NMD3: variants seen among roughly 807,000 people sequenced by gnomAD.
The protein encoded by NMD3 is 60S ribosomal export protein NMD3.
A neutral mutation model predicts 73.1 loss-of-function variants in NMD3; 47 were observed. The ratio of observed to expected loss-of-function variants is 0.64; its 90% CI spans 0.51 to 0.82. The LOEUF (loss-of-function observed/expected upper bound fraction) is 0.82, where lower values mean the gene tolerates loss of function less well. NMD3 is among the 40% of genes least tolerant of loss of function. The pLI is 0.00. For missense variants in NMD3, 554 were observed against 612.5 expected, an observed-to-expected ratio of 0.90 and a Z score of 1.01; for synonymous variants, 210 against 194.5, an observed-to-expected ratio of 1.08 and a Z score of -0.66.
In NMD3 at chr3:161,238,827, G is replaced by A. The variant is rs1736867140; in HGVS notation, c.753+1G>A. On this transcript the variant is annotated splice_donor_variant, in intron 9 of 15. Transcript: ENST00000351193. LOFTEE classifies it high-confidence loss of function. ...TGTGGAAATTGTTCCAATATGCAAG[G>A]TACTTTTCTTTTTCATTTAATCCAT... 1 of 1,420,832 alleles carries A rather than the reference G, an allele frequency of 7.0e-7. No individual in the cohort carries two copies. Among genetic ancestry groups the A allele is most frequent in the African/African-American group, 1.4e-5 (1 of 69,640 alleles). The allele number at this position is 1,420,832 out of a possible 1,614,324, so 88.0% of individuals were successfully genotyped here. A position where few individuals can be genotyped will look rare whatever the true frequency, so the allele number is the denominator to read the frequency against.
downstream of NMD3, among the ~76,000 whole-genome samples, chr3:161,252,478 A>G (rs184685594): frequency 1.3e-5 from 2 of 152,272 alleles, no homozygotes; most frequent in Non-Finnish European, 2.9e-5. Context: ...TTGATGTTCT[A>G]TTAAGTATTG....
intron 14 of NMD3, 77 bp from the exon 15 acceptor site, chr3:161,250,179 C>T: frequency 1.3e-6 from 1 of 784,580 alleles, no homozygotes; most frequent in Non-Finnish European, 2.2e-6. Context: ...TCTACATAGT[C>T]CTTAAAATGA....
intron 11 of NMD3, among the ~76,000 whole-genome samples, chr3:161,244,409 G>A (rs1426059480): frequency 1.3e-5 from 2 of 152,148 alleles, no homozygotes; most frequent in Non-Finnish European, 2.9e-5. Context: ...GATTACAGGC[G>A]TGAGCCACCT....
At position 161,246,402 on chromosome 3, in the gene NMD3, C is replaced by T. The variant is rs756190644; in HGVS notation, c.1084C>T (p.Arg362Cys). 24 of 1,525,980 alleles carry T rather than the reference C, an allele frequency of 1.6e-5. No individual in the cohort carries two copies. Among genetic ancestry groups the T allele is most frequent in the African/African-American group, 5.4e-5 (4 of 73,828 alleles). The allele number at this position is 1,525,980 out of a possible 1,614,324, so 94.5% of individuals were successfully genotyped here. A position where few individuals can be genotyped will look rare whatever the true frequency, so the allele number is the denominator to read the frequency against. Reference protein sequence around the residue: ...EMNTDKQYFCRTHLGHLLNPG... With the variant: ...EMNTDKQYFCCTHLGHLLNPG... ...GAATACAGATAAACAGTATTTTTGT[C>T]GTACTCATTTGGGACATCTTCTAAA... Residue 362 changes from arginine (R) to cysteine (C), a missense_variant, in exon 12 of 16, where the codon CGT becomes TGT. By Grantham distance (180) the Arg-to-Cys change is radical. Coordinates refer to ENST00000351193, the MANE Select transcript of NMD3 (RefSeq NM_015938.5).
intron 4 of NMD3, among the ~76,000 whole-genome samples, chr3:161,230,905 G>T (rs1189086248): frequency 3.9e-5 from 6 of 152,172 alleles, no homozygotes; most frequent in African/African-American, 1.4e-4. Flanking sequence ...GAGAGCGGAA[G>T]ATATGAAATA....
At chr3:161,249,721 T>G in intron 14 of NMD3, 161 bp downstream of exon 14, 1 of 644,814 alleles carries the variant, frequency 1.6e-6, no homozygotes, top group East Asian at 2.8e-5. Flanking sequence ...TAAGATGATG[T>G]AAAGACATTT....
chr3:161,238,643 G>A, intron 8 of NMD3, 87 bp from the exon 9 acceptor site: 1 of 720,230 alleles, frequency 1.4e-6, no homozygotes, highest in Non-Finnish European at 2.5e-6. Flanking sequence ...GACAATGATG[G>A]TTTGATTTAA....
In NMD3 at chr3:161,250,838, G is replaced by A. The variant is rs1221651393; in HGVS notation, c.1440G>A (p.Leu480=). ...TDDEGAPRIS[L]AEMLEDLHIS... ...ATGAAGGAGCACCTCGAATTAGTCT[G>A]GCTGAGATGCTTGAAGACCTTCATA... Residue 480 remains leucine, a synonymous_variant, in exon 16 of 16, where the codon CTG becomes CTA. Transcript: ENST00000351193. 1.2e-6 allele frequency: 2 copies of A among 1,611,840 alleles called. No individual in the cohort carries two copies. Among genetic ancestry groups the A allele is most frequent in the Non-Finnish European group, 1.7e-6 (2 of 1,178,194 alleles).
chr3:161,221,939 A>AT, intron 1 of NMD3, 55 bp from the exon 2 acceptor site: 1 of 757,252 alleles, frequency 1.3e-6, no homozygotes, highest in Non-Finnish European at 1.9e-6. Flanking sequence ...AGGTAAAGTG[A>AT]TTTAAATCCC....
chr3:161,249,755 C>G lies in NMD3; in HGVS notation c.1310+195C>G. On this transcript the variant is annotated intron_variant, in intron 14 of 15. Coordinates refer to ENST00000351193, the MANE Select transcript of NMD3 (RefSeq NM_015938.5). ...TTAACACAGATTTAGTAATTATTTC[C>G]TGGTTTATGACCTAATAATTGTAGT... The G allele has an allele frequency of 5.0e-6, 3 of 597,598 alleles. No individual in the cohort carries two copies. In the South Asian group the frequency reaches 5.9e-5, roughly 12 times the overall value. 37.0% of individuals were successfully genotyped at this position (597,598 alleles called of 1,614,324 possible). A position where few individuals can be genotyped will look rare whatever the true frequency, so the allele number is the denominator to read the frequency against.
At position 161,250,917 on chromosome 3, in the gene NMD3, G is replaced by A. The variant is rs1240544557; in HGVS notation, c.*7G>A. The A allele has an allele frequency of 3.7e-6, 6 of 1,608,144 alleles. No homozygotes were observed. Among genetic ancestry groups the A allele is most frequent in the Non-Finnish European group, 5.1e-6 (6 of 1,176,402 alleles). On this transcript the variant is annotated 3_prime_UTR_variant, in exon 16 of 16. Transcript: ENST00000351193. ...TGCATCAATGCTGACATAATGAGATGTTGTAGACTGTTTCCATACATGGGC... is the reference window on the plus strand; with the variant it reads ...TGCATCAATGCTGACATAATGAGATATTGTAGACTGTTTCCATACATGGGC...
chr3:161,234,411 G>T (rs1736659073), intron 5 of NMD3, among the ~76,000 whole-genome samples: 1 of 148,840 alleles, frequency 6.7e-6, no homozygotes, highest in African/African-American at 2.5e-5. Flanking sequence ...TGGGCAACAG[G>T]CAGAGTGAGA....
Position 161,238,116 on chromosome 3 carries a change from G to A in NMD3, c.581G>A (p.Gly194Asp), listed in dbSNP as rs771039680. 1.3e-6 allele frequency: 2 copies of A among 1,569,386 alleles called. No individual in the cohort carries two copies. Among genetic ancestry groups the A allele is most frequent in the African/African-American group, 1.4e-5 (1 of 70,826 alleles). ...GGGCTTTTTTTTTTTTTTTAAGATGGTCTGGATTTTTATTATTCCTCAAAA... is the reference window on the plus strand; with the variant it reads ...GGGCTTTTTTTTTTTTTTTAAGATGATCTGGATTTTTATTATTCCTCAAAA... Reference protein sequence around the residue: ...NTLRIKEIHDGLDFYYSSKQH... With the variant: ...NTLRIKEIHDDLDFYYSSKQH... The change falls in exon 8 of 16, where the codon GGT becomes GAT. Residue 194 changes from glycine (G) to aspartate (D), a missense_variant. Physicochemically the swap from Gly to Asp is moderately conservative, Grantham distance 94 (BLOSUM62 -1). Transcript: ENST00000351193.
At position 161,247,229 on chromosome 3, in the gene NMD3, C is replaced by G. The variant is rs754836194; in HGVS notation, c.1131-29C>G. On this transcript the variant is annotated intron_variant, in intron 12 of 15. Coordinates refer to ENST00000351193, the MANE Select transcript of NMD3 (RefSeq NM_015938.5). Reference sequence around the variant, plus strand: ...AAGTTACACACAAAGGGTAAATGGTCACTAAGTTTTTCATTGTTTACATTT... The same window carrying G: ...AAGTTACACACAAAGGGTAAATGGTGACTAAGTTTTTCATTGTTTACATTT... 6.2e-6 allele frequency: 9 copies of G among 1,459,602 alleles called. No individual in the cohort carries two copies. The African/African-American group carries it at 9.8e-5, about 16-fold the overall frequency. The allele number at this position is 1,459,602 out of a possible 1,614,324, so 90.4% of individuals were successfully genotyped here. A position where few individuals can be genotyped will look rare whatever the true frequency, so the allele number is the denominator to read the frequency against.
chr3:161,249,394 T>A (rs1056000956), intron 13 of NMD3, 60 bp from the exon 14 acceptor site: 9 of 1,069,516 alleles, frequency 8.4e-6, no homozygotes, highest in Non-Finnish European at 1.3e-5. Context: ...CTTTATTGAA[T>A]TTTGTGGCCT....
intron 3 of NMD3, among the ~76,000 whole-genome samples, chr3:161,226,312 G>C (rs1239667856): frequency 6.6e-6 from 1 of 151,966 alleles, no homozygotes; most frequent in East Asian, 1.9e-4. Flanking sequence ...AAATTAGCCA[G>C]GCGTGGTGGG....
chr3:161,225,158 T>G, intron 3 of NMD3, 94 bp downstream of exon 3: 1 of 1,303,250 alleles, frequency 7.7e-7, no homozygotes, highest in Non-Finnish European at 1.0e-6. Context: ...GTATATGGAG[T>G]AAAGTGCATG....
At position 161,251,644 on chromosome 3, in the gene NMD3, A is replaced by G. The variant is rs1392661053; in HGVS notation, c.*734A>G. The G allele has an allele frequency of 6.6e-6, 1 of 152,210 alleles. No individual in the cohort carries two copies. Among genetic ancestry groups the G allele is most frequent in the East Asian group, 1.9e-4 (1 of 5,200 alleles). The allele number at this position is 152,210 out of a possible 1,614,324, so 9.4% of individuals were successfully genotyped here. A position where few individuals can be genotyped will look rare whatever the true frequency, so the allele number is the denominator to read the frequency against. Reference sequence around the variant, plus strand: ...GGCAGTAGCTGCTTTTGTCATAAATATCTTCCTACCACATCAAAAATGCTG... The same window carrying G: ...GGCAGTAGCTGCTTTTGTCATAAATGTCTTCCTACCACATCAAAAATGCTG... On this transcript the variant is annotated 3_prime_UTR_variant, in exon 16 of 16. Transcript: ENST00000351193.
chr3:161,223,379 C>G (rs1736184607), intron 2 of NMD3, among the ~76,000 whole-genome samples: 1 of 152,026 alleles, frequency 6.6e-6, no homozygotes, highest in Non-Finnish European at 1.5e-5. Context: ...CCCAGTACAT[C>G]TCGAATTATG....
Sources: allele counts gnomAD v4.1 joint callset (sites outside exome capture counted in the v4.1 genomes callset), GRCh38; gene constraint gnomAD v4.1.1; transcripts MANE v1.5; gene names NCBI Gene and HGNC (gene_info 2026-07-23, HGNC 2026-07-21).